DNAJC27: variants seen among roughly 807,000 people sequenced by gnomAD.
The protein encoded by DNAJC27 is dnaJ homolog subfamily C member 27.
DNAJC27 carries 25 observed loss-of-function variants against 31.4 expected under a neutral mutation model. The ratio of observed to expected loss-of-function variants is 0.80; its 90% confidence interval spans 0.58 to 1.11. DNAJC27 has a LOEUF of 1.11. DNAJC27 is among the 50% of genes most tolerant of loss of function. The pLI is 0.00. For missense variants in DNAJC27, 356 were observed against 347.3 expected (o/e 1.02, Z -0.20); for synonymous variants, 106 against 112.7 (o/e 0.94, Z 0.37).
chr2:24,957,811 T>C lies in DNAJC27; in HGVS notation c.404A>G (p.Lys135Arg). Residue 135 changes from lysine to arginine, a missense_variant and splice_region_variant, in exon 4 of 7, where the codon AAG (lysine) becomes AGG (arginine). Coordinates refer to ENST00000264711, the MANE Select transcript of DNAJC27 (RefSeq NM_016544.3). ...ENIIFVVCAN[K>R]IDCTKHRCVD... Reference sequence around the variant, plus strand: ...ACACACCATTTCCAGAGGGGTTACCTTGTTGGCACAAACTACAAATATAAT... The same window carrying C: ...ACACACCATTTCCAGAGGGGTTACCCTGTTGGCACAAACTACAAATATAAT... 1 of 1,613,972 alleles carries C rather than the reference T, an allele frequency of 6.2e-7. No individual in the cohort carries two copies. The highest frequency in any genetic ancestry group is 1.3e-5 in the African/African-American group (1 of 75,056).
intron 6 of DNAJC27, 80 bp downstream of exon 6, chr2:24,951,314 A>C: frequency 5.1e-6 from 7 of 1,363,514 alleles, no homozygotes; most frequent in Non-Finnish European, 7.0e-6. Context: ...AACTGGAGGA[A>C]GATATACTGC....
intron 3 of DNAJC27, among the ~76,000 whole-genome samples, chr2:24,960,159 G>A (rs1483283098): frequency 1.3e-5 from 2 of 152,044 alleles, no homozygotes; most frequent in African/African-American, 4.8e-5. Flanking sequence ...TCACATTTTG[G>A]TAACACTTAT....
At chr2:24,967,831 C>T (rs1666228170) in intron 1 of DNAJC27, among the ~76,000 whole-genome samples, 1 of 152,054 alleles carries the variant, frequency 6.6e-6, no homozygotes, top group Non-Finnish European at 1.5e-5. Flanking sequence ...CAATCCTGTG[C>T]TCTTTTCTTC....
upstream of DNAJC27, chr2:24,972,003 G>A (rs1032897280): frequency 1.0e-5 from 9 of 871,148 alleles, no homozygotes; most frequent in East Asian, 3.0e-4. Context: ...CGCTGCTCTC[G>A]TCACCGCCTC....
intron 1 of DNAJC27, among the ~76,000 whole-genome samples, chr2:24,969,842 TTTTC>T (rs1666284767): frequency 6.6e-6 from 1 of 152,146 alleles, no homozygotes; most frequent in Non-Finnish European, 1.5e-5. Flanking sequence ...TTCCCCACAA[TTTTC>T]TTTGTTGTTT....
chr2:24,964,301 A>T (rs1666123387), intron 2 of DNAJC27, among the ~76,000 whole-genome samples: 1 of 152,008 alleles, frequency 6.6e-6, no homozygotes, highest in Non-Finnish European at 1.5e-5. Context: ...GGGCACCTGT[A>T]GTCCCAGCTA....
intron 2 of DNAJC27, among the ~76,000 whole-genome samples, chr2:24,966,025 A>T (rs1430027335): frequency 1.3e-5 from 2 of 152,192 alleles, no homozygotes; most frequent in Non-Finnish European, 2.9e-5. Flanking sequence ...AATACAAGGC[A>T]ATTTTTGGTA....
At chr2:24,961,720 T>A (rs1472825929) in intron 3 of DNAJC27, among the ~76,000 whole-genome samples, 4 of 152,066 alleles carry the variant, frequency 2.6e-5, no homozygotes, top group Non-Finnish European at 4.4e-5. Context: ...AGAACTAGAA[T>A]TAGAAGTAGG....
intron 6 of DNAJC27, among the ~76,000 whole-genome samples, chr2:24,950,711 G>A (rs1665750795): frequency 6.6e-6 from 1 of 152,106 alleles, no homozygotes; most frequent in Admixed American, 6.5e-5. Context: ...GCCGGGCGTG[G>A]TGGCGTGTGC....
intron 5 of DNAJC27, among the ~76,000 whole-genome samples, chr2:24,954,974 T>C (rs559571693): frequency 1.6e-4 from 24 of 152,074 alleles, no homozygotes; most frequent in Admixed American, 4.6e-4. Context: ...CTGAGGAAGA[T>C]AAAAGAATCT....
At chr2:24,958,114 G>C (rs1665952343) in intron 3 of DNAJC27, 140 bp from the exon 4 acceptor site, 1 of 750,964 alleles carries the variant, frequency 1.3e-6, no homozygotes, top group African/African-American at 1.8e-5. Context: ...CTGGTCATTA[G>C]AGGGTTTTTT....
chr2:24,947,504 TG>T lies in DNAJC27; in HGVS notation c.*111del. ...TTACTGATATACAAATGACAACACATGAATGAAAAGAGCAGTGAGATTCTGG... is the reference window on the plus strand; with the variant it reads ...TTACTGATATACAAATGACAACACATAATGAAAAGAGCAGTGAGATTCTGG... On this transcript the variant is annotated 3_prime_UTR_variant, in exon 7 of 7. Coordinates refer to ENST00000264711, the MANE Select transcript of DNAJC27 (RefSeq NM_016544.3). 7.7e-7 allele frequency: 1 copy of T among 1,298,736 alleles called. No homozygotes were observed. The highest frequency in any genetic ancestry group is 1.1e-6 in the Non-Finnish European group (1 of 942,426). 80.5% of individuals were successfully genotyped at this position (1,298,736 alleles called of 1,614,324 possible).
chr2:24,968,485 AATTTATTT>A (rs371492956), intron 1 of DNAJC27, among the ~76,000 whole-genome samples: 20 of 151,298 alleles, frequency 1.3e-4, no homozygotes, highest in East Asian at 3.9e-4. Flanking sequence ...ATCCATCTAG[AATTTATTT>A]ATTTATTTAT....
At chr2:24,970,897 C>A (rs979087946) in intron 1 of DNAJC27, among the ~76,000 whole-genome samples, 1 of 152,188 alleles carries the variant, frequency 6.6e-6, no homozygotes, top group Admixed American at 6.5e-5. Context: ...TAAACATTTA[C>A]TGAGCATCTC....
At position 24,947,462 on chromosome 2, in the gene DNAJC27, T is replaced by A. The variant is rs549971233; in HGVS notation, c.*154A>T. On this transcript the variant is annotated 3_prime_UTR_variant, in exon 7 of 7. Transcript: ENST00000264711. ...AGGTCATTTCTCAGTAAAATGTCTA[T>A]GAAATGGGTACCTGAATTACTGATA... The A allele has an allele frequency of 1.1e-6, 1 of 885,984 alleles. No individual in the cohort carries two copies. The highest frequency in any genetic ancestry group is 2.5e-5 in the Admixed American group (1 of 40,398). 54.9% of individuals were successfully genotyped at this position (885,984 alleles called of 1,614,324 possible).
At chr2:24,971,462 T>G (rs1041500346) in intron 1 of DNAJC27, 1 of 176,648 alleles carries the variant, frequency 5.7e-6, no homozygotes, top group South Asian at 1.6e-4. Context: ...GGAACTAAAC[T>G]TTCATCCTCC....
chr2:24,943,842 T>C lies in DNAJC27; in HGVS notation c.*3774A>G, dbSNP rs1375858877. 2 of 152,682 alleles carry C rather than the reference T, an allele frequency of 1.3e-5. No homozygotes were observed. Among genetic ancestry groups the C allele is most frequent in the Non-Finnish European group, 2.9e-5 (2 of 68,060 alleles). The allele number at this position is 152,682 out of a possible 1,614,324, so 9.5% of individuals were successfully genotyped here. A position where few individuals can be genotyped will look rare whatever the true frequency, so the allele number is the denominator to read the frequency against. On this transcript the variant is annotated 3_prime_UTR_variant, in exon 7 of 7. Transcript: ENST00000264711. ...GGGAAGAACGCCCAGGGGCAATCAA[T>C]GCAGGAAGCTAACCAACACTGTCCA... is the stretch of plus-strand genomic sequence containing the variant.
At chr2:24,967,329 CAT>C in intron 1 of DNAJC27, 36 bp from the exon 2 acceptor site, 1 of 1,336,964 alleles carries the variant, frequency 7.5e-7, no homozygotes, top group East Asian at 2.3e-5. Flanking sequence ...TTAGTAAATA[CAT>C]AGTGAGAACA....
chr2:24,956,259 T>C (rs1264443906), intron 5 of DNAJC27, among the ~76,000 whole-genome samples: 1 of 152,192 alleles, frequency 6.6e-6, no homozygotes, highest in Non-Finnish European at 1.5e-5. Flanking sequence ...ATCAGATATA[T>C]TCATAAGAAG....
Sources: gnomAD v4.1 joint callset for allele counts (sites outside exome capture counted in the v4.1 genomes callset) on GRCh38, gnomAD v4.1.1 for gene constraint, MANE v1.5 for transcripts, NCBI Gene and HGNC (gene_info 2026-07-23, HGNC 2026-07-21) for gene names.